The following TAX1BP1 variants were observed in gnomAD, a reference collection of about 807,000 sequenced individuals.
The protein encoded by TAX1BP1 is tax1-binding protein 1.
In TAX1BP1, 62 loss-of-function variants were observed where a neutral mutation model predicts 97.7. The ratio of observed to expected loss-of-function variants is 0.63; its 90% confidence interval spans 0.52 to 0.78. The LOEUF (loss-of-function observed/expected upper bound fraction) is 0.78, where lower values mean the gene tolerates loss of function less well. TAX1BP1 is among the 30% of genes least tolerant of loss of function. The pLI, the probability that TAX1BP1 is intolerant of heterozygous loss-of-function variation, is 0.00. For synonymous variants in TAX1BP1, 340 were observed against 304.2 expected (o/e 1.12, Z -1.23); for missense variants, 867 against 916.1 (o/e 0.95, Z 0.69).
At chr7:27,762,228 AT>A (rs1448427298) in intron 3 of TAX1BP1, among the ~76,000 whole-genome samples, 1 of 152,172 alleles carries the variant, frequency 6.6e-6, no homozygotes, top group Admixed American at 6.5e-5. Context: ...GGATAAGGAA[AT>A]GTTGTAAGTT....
In TAX1BP1 at chr7:27,785,245, A is replaced by G; in HGVS notation, c.695A>G (p.His232Arg). The G allele has an allele frequency of 6.2e-7, 1 of 1,613,604 alleles. No homozygotes were observed. ...TTCAGTGATGCTACATCCAAAGCCC[A>G]TCAGCTTGAGGAAGATATTGTGTCA... ...KRFSDATSKAHQLEEDIVSVT... is the reference protein window; with the variant it reads ...KRFSDATSKARQLEEDIVSVT... Residue 232 changes from histidine (H) to arginine (R), a missense_variant, in exon 6 of 17, where the codon CAT becomes CGT. Physicochemically the swap from His to Arg is conservative, Grantham distance 29 (BLOSUM62 0). Transcript: ENST00000396319.
chr7:27,759,995 A>G (rs1185680604), intron 3 of TAX1BP1, among the ~76,000 whole-genome samples: 1 of 151,976 alleles, frequency 6.6e-6, no homozygotes, highest in African/African-American at 2.4e-5. Flanking sequence ...CTGGAACTAC[A>G]GGTGCTCACC....
intron 8 of TAX1BP1, among the ~76,000 whole-genome samples, chr7:27,788,371 T>G (rs939313697): frequency 2.6e-5 from 4 of 152,112 alleles, no homozygotes; most frequent in African/African-American, 9.6e-5. Flanking sequence ...TTTCCCTGTT[T>G]GTGATTATTA....
intron 2 of TAX1BP1, among the ~76,000 whole-genome samples, chr7:27,750,396 C>T (rs950140870): frequency 4.6e-5 from 7 of 152,172 alleles, no homozygotes; most frequent in Admixed American, 4.6e-4. Context: ...TGCAAATACT[C>T]CAAAATCTGA....
At chr7:27,781,444 G>A (rs547828470) in intron 5 of TAX1BP1, among the ~76,000 whole-genome samples, 1 of 152,156 alleles carries the variant, frequency 6.6e-6, no homozygotes, top group Non-Finnish European at 1.5e-5. Flanking sequence ...ACTGAATACT[G>A]TAGGCAGTTG....
chr7:27,804,502 A>G (rs1790259642), intron 13 of TAX1BP1, among the ~76,000 whole-genome samples: 1 of 152,226 alleles, frequency 6.6e-6, no homozygotes, highest in Admixed American at 6.5e-5. Flanking sequence ...ACCATGAGTT[A>G]GCATAGACCC....
At chr7:27,803,848 A>C (rs1056131604) in intron 13 of TAX1BP1, among the ~76,000 whole-genome samples, 2 of 151,234 alleles carry the variant, frequency 1.3e-5, no homozygotes, top group Non-Finnish European at 2.9e-5. Context: ...TAATAAAGGT[A>C]AAGTGCTTGT....
rs189052589 is a variant in TAX1BP1, at chr7:27,788,227, T to A, written c.1038+624T>A. ...ACATTTTTGCAAGAAAAGACATAGATGATGTTTTGTCCATCCTGTTGGAGT... is the reference window on the plus strand; with the variant it reads ...ACATTTTTGCAAGAAAAGACATAGAAGATGTTTTGTCCATCCTGTTGGAGT... On this transcript the variant is annotated intron_variant, in intron 8 of 16. Coordinates refer to ENST00000396319, the MANE Select transcript of TAX1BP1 (RefSeq NM_006024.7). Among the ~76,000 whole-genome samples, 19 of 152,190 alleles carry A rather than the reference T, an allele frequency of 1.2e-4. No homozygotes were observed. The East Asian group carries it at 3.7e-3, about 29-fold the overall frequency.
At chr7:27,762,293 G>T (rs73684048) in intron 3 of TAX1BP1, among the ~76,000 whole-genome samples, 3,536 of 152,204 alleles carry the variant, frequency 0.023, 70 homozygotes, top group East Asian at 0.082. Context: ...ATTTAGGTGT[G>T]TATTGGAACC....
intron 2 of TAX1BP1, among the ~76,000 whole-genome samples, chr7:27,754,059 C>T (rs1788117021): frequency 6.6e-6 from 1 of 152,170 alleles, no homozygotes; most frequent in Non-Finnish European, 1.5e-5. Flanking sequence ...GGTCATGTGA[C>T]ATGTTCAAAG....
chr7:27,749,591 G>C (rs1787950120), intron 2 of TAX1BP1, among the ~76,000 whole-genome samples: 1 of 152,202 alleles, frequency 6.6e-6, no homozygotes, highest in South Asian at 2.1e-4. Context: ...TGACGGGAAG[G>C]CAGAAAAACA....
At chr7:27,772,716 G>T (rs1788890576) in intron 5 of TAX1BP1, among the ~76,000 whole-genome samples, 1 of 151,846 alleles carries the variant, frequency 6.6e-6, no homozygotes, top group African/African-American at 2.4e-5. Flanking sequence ...GATATGTTGG[G>T]ATTATTACAA....
At position 27,765,946 on chromosome 7, in the gene TAX1BP1, T is replaced by A. The variant is rs752539622; in HGVS notation, c.378T>A (p.Val126=). 1 of 1,614,208 alleles carries A rather than the reference T, an allele frequency of 6.2e-7. No homozygotes were observed. Among genetic ancestry groups the A allele is most frequent in the South Asian group, 1.1e-5 (1 of 91,080 alleles). ...TCCAGTTTCGAGCTTCTTCTCCAGT[T>A]GAAGAGCTGCTTACTATGGAAGATG... ...TPFQFRASSP[V]EELLTMEDEG... Residue 126 remains valine (V), a synonymous_variant, in exon 4 of 17, where the codon GTT becomes GTA. Transcript: ENST00000396319.
intron 13 of TAX1BP1, among the ~76,000 whole-genome samples, chr7:27,809,071 G>GTT (rs1562737429): frequency 3.6e-5 from 2 of 56,050 alleles, no homozygotes; most frequent in African/African-American, 4.8e-4. Context: ...TGATATATAT[G>GTT]ATAGAGTATG....
chr7:27,799,992 G>C lies in TAX1BP1; in HGVS notation c.1666G>C (p.Ala556Pro), dbSNP rs753625931. 6.2e-7 allele frequency: 1 copy of C among 1,601,576 alleles called. No homozygotes were observed. Among genetic ancestry groups the C allele is most frequent in the South Asian group, 1.1e-5 (1 of 87,870 alleles). Residue 556 changes from alanine (A) to proline (P), a missense_variant, in exon 13 of 17, where the codon GCT (alanine) becomes CCT (proline). Ala to Pro is a conservative substitution (Grantham distance 27). Around this residue, in one of 3 missense-constraint regions of TAX1BP1, gnomAD observed 822 missense variants for 851.4 expected, o/e 0.97. Coordinates refer to ENST00000396319, the MANE Select transcript of TAX1BP1 (RefSeq NM_006024.7). ...TGAGAAAGCAAAATGCAATAAATATGCTGATGAACTTGCAAAAATGGAGCT... is the reference window on the plus strand; with the variant it reads ...TGAGAAAGCAAAATGCAATAAATATCCTGATGAACTTGCAAAAATGGAGCT... The part of the protein sequence containing the change: ...QDEKAKCNKY[A>P]DELAKMELKW...
intron 11 of TAX1BP1, among the ~76,000 whole-genome samples, chr7:27,794,776 C>T (rs1475422788): frequency 1.3e-5 from 2 of 152,094 alleles, no homozygotes; most frequent in Admixed American, 6.5e-5. Context: ...CTTTATGTTC[C>T]ATTAAATCTA....
At chr7:27,779,313 A>G (rs970088093) in intron 5 of TAX1BP1, among the ~76,000 whole-genome samples, 3 of 152,036 alleles carry the variant, frequency 2.0e-5, no homozygotes, top group Admixed American at 6.6e-5. Flanking sequence ...TTGATTTTTG[A>G]GGCAAATATC....
At chr7:27,779,603 CA>C (rs930592927) in intron 5 of TAX1BP1, among the ~76,000 whole-genome samples, 3 of 152,108 alleles carry the variant, frequency 2.0e-5, no homozygotes, top group Admixed American at 6.6e-5. Flanking sequence ...GTCTTAATGG[CA>C]GTGTATCAGA....
intron 3 of TAX1BP1, among the ~76,000 whole-genome samples, chr7:27,763,941 G>A (rs1445431100): frequency 2.0e-5 from 3 of 152,106 alleles, no homozygotes; most frequent in Non-Finnish European, 2.9e-5. Flanking sequence ...CTATTAGGAG[G>A]GTGGATTTTT....
Sources: gnomAD v4.1 joint callset for allele counts (sites outside exome capture counted in the v4.1 genomes callset) on GRCh38, gnomAD v4.1.1 for gene constraint, gnomAD v4.1.1 regional missense constraint, MANE v1.5 for transcripts, NCBI Gene and HGNC (gene_info 2026-07-23, HGNC 2026-07-21) for gene names.